OTUD7A: variants seen among roughly 807,000 people sequenced by gnomAD.
The protein encoded by OTUD7A is OTU deubiquitinase 7A.
In OTUD7A, 12 loss-of-function variants were observed where a neutral mutation model predicts 65.7. The observed-to-expected ratio is 0.18, with a 90% CI of 0.12 to 0.30. OTUD7A has a LOEUF of 0.30. Ranked by LOEUF, OTUD7A falls within the 10% of genes least tolerant of loss-of-function variation. The pLI is 1.00. For missense variants in OTUD7A, 1,148 were observed against 1,304.8 expected (o/e 0.88, Z 1.85); for synonymous variants, 641 against 586.3 (o/e 1.09, Z -1.35).
chr15:31,651,424 CT>C (rs926164895), intron 3 of OTUD7A, among the ~76,000 whole-genome samples: 1 of 152,012 alleles, frequency 6.6e-6, no homozygotes, highest in African/African-American at 2.4e-5. Flanking sequence ...CAAGGATCTT[CT>C]TTTTTAACAC....
chr15:31,530,283 T>C (rs2141122080), intron 6 of OTUD7A, among the ~76,000 whole-genome samples: 1 of 152,338 alleles, frequency 6.6e-6, no homozygotes, highest in East Asian at 1.9e-4. Flanking sequence ...CGTTCACCCC[T>C]ACCTCCAAAC....
intron 6 of OTUD7A, among the ~76,000 whole-genome samples, chr15:31,530,327 C>A (rs559818497): frequency 6.6e-6 from 1 of 152,208 alleles, no homozygotes; most frequent in South Asian, 2.1e-4. Context: ...GCTTTATCTG[C>A]AGGGTCTCCC....
At chr15:31,519,104 G>A (rs1338594756) in intron 8 of OTUD7A, among the ~76,000 whole-genome samples, 1 of 147,490 alleles carries the variant, frequency 6.8e-6, no homozygotes, top group African/African-American at 2.5e-5. Context: ...ATCCACTACA[G>A]GTCTAGCACT....
intron 3 of OTUD7A, among the ~76,000 whole-genome samples, chr15:31,640,129 G>A (rs185556010): frequency 1.3e-5 from 2 of 152,066 alleles, no homozygotes; most frequent in African/African-American, 2.4e-5. Flanking sequence ...GCATTTGAGC[G>A]ACCTGGATGA....
intron 1 of OTUD7A, among the ~76,000 whole-genome samples, chr15:31,754,087 T>C (rs1595747379): frequency 6.6e-6 from 1 of 152,210 alleles, no homozygotes; most frequent in South Asian, 2.1e-4. Context: ...TATTGCATTA[T>C]GGTTTTGATT....
chr15:31,823,459 G>C (rs977770264), intron 1 of OTUD7A, among the ~76,000 whole-genome samples: 14 of 152,164 alleles, frequency 9.2e-5, no homozygotes, highest in African/African-American at 3.1e-4. Flanking sequence ...TGCCAACAAA[G>C]AGGATACATT....
chr15:31,715,516 G>C (rs955859007), intron 1 of OTUD7A, among the ~76,000 whole-genome samples: 1 of 150,252 alleles, frequency 6.7e-6, no homozygotes, highest in Non-Finnish European at 1.5e-5. Flanking sequence ...TTATTTCACT[G>C]CAGTACCAAT....
Position 31,503,887 on chromosome 15 carries a change from G to T in OTUD7A, c.894-69C>A, listed in dbSNP as rs1043106354. On this transcript the variant is annotated intron_variant, in intron 8 of 12. Transcript: ENST00000307050. ...GTGGAGGATGGAGAAAGTGGGGACT[G>T]CTTCATGCAGGGGCTGAGCCCTCCC... The T allele has an allele frequency of 2.5e-6, 4 of 1,576,388 alleles. No homozygotes were observed. The African/African-American group carries it at 5.4e-5, about 21-fold the overall frequency.
chr15:31,835,963 C>A (rs1897046000), intron 1 of OTUD7A, among the ~76,000 whole-genome samples: 1 of 2,156 alleles, frequency 4.6e-4, no homozygotes, highest in South Asian at 0.25. Context: ...TCCAAAATAC[C>A]CCCAATGAGC....
chr15:31,603,118 A>G (rs1332657241), intron 3 of OTUD7A, among the ~76,000 whole-genome samples: 3 of 152,244 alleles, frequency 2.0e-5, no homozygotes, highest in South Asian at 2.1e-4. Flanking sequence ...GAACCAAAAA[A>G]GAGCCCACAT....
Position 31,484,689 on chromosome 15 carries a change from C to G in OTUD7A, c.1407G>C (p.Ser469=). 1 of 1,583,960 alleles carries G rather than the reference C, an allele frequency of 6.3e-7. No homozygotes were observed. Among genetic ancestry groups the G allele is most frequent in the Non-Finnish European group, 8.5e-7 (1 of 1,169,776 alleles). The change falls in exon 13 of 13, where the codon TCG becomes TCC. Residue 469 remains serine (S), a synonymous_variant. Transcript: ENST00000307050. The surrounding 1 kb of genome is among the most constrained non-coding windows in gnomAD (Gnocchi z 4.5). ...CCAGGGACTGCACGTCCTCCCCTGC[C>G]GAGGCCGTGGGAGACTCCGGCTGTG... ...PLAQPESPTA[S]AGEDVQSLAD... is the part of the protein sequence containing the mutation.
At chr15:31,611,145 T>C (rs904623273) in intron 3 of OTUD7A, among the ~76,000 whole-genome samples, 3 of 151,902 alleles carry the variant, frequency 2.0e-5, no homozygotes, top group Admixed American at 1.3e-4. Context: ...CTCTGGGATA[T>C]AGCAAAGGAG....
At position 31,733,207 on chromosome 15, in the gene OTUD7A, C is replaced by T. The variant is rs1894095163; in HGVS notation, c.-99-76130G>A. 1.3e-5 allele frequency among the ~76,000 whole-genome samples: 2 copies of T among 152,156 alleles called. 1 individual carries two copies. Among genetic ancestry groups the T allele is most frequent in the South Asian group, 4.2e-4 (2 of 4,816 alleles). ...TGCTGTGAGGGTGAACTGAGACAAA[C>T]ACAAAGGGCTGAGAACAGAGCCCAG... On this transcript the variant is annotated intron_variant, in intron 1 of 12. Coordinates refer to ENST00000307050, the MANE Select transcript of OTUD7A (RefSeq NM_001382637.1).
At chr15:31,610,303 C>G (rs1229300594) in intron 3 of OTUD7A, among the ~76,000 whole-genome samples, 1 of 151,944 alleles carries the variant, frequency 6.6e-6, no homozygotes, top group Admixed American at 6.6e-5. Context: ...CAAATCTATA[C>G]AACAGGTACT....
At chr15:31,732,418 T>C (rs910807539) in intron 1 of OTUD7A, among the ~76,000 whole-genome samples, 1 of 152,254 alleles carries the variant, frequency 6.6e-6, no homozygotes, top group Non-Finnish European at 1.5e-5. Flanking sequence ...AGTTGTGATT[T>C]GATTGTGCCA....
chr15:31,618,200 C>G (rs1282910943), intron 3 of OTUD7A, among the ~76,000 whole-genome samples: 2 of 152,124 alleles, frequency 1.3e-5, no homozygotes, highest in Non-Finnish European at 2.9e-5. Context: ...TGGGTTGGTT[C>G]CAAGTCTTTG....
At chr15:31,765,892 G>GT in intron 1 of OTUD7A, 1 of 1,277,894 alleles carries the variant, frequency 7.8e-7, no homozygotes. Flanking sequence ...AACTATTTTA[G>GT]TTTTTTTCTT....
intron 1 of OTUD7A, among the ~76,000 whole-genome samples, chr15:31,806,233 CA>C (rs1309607523): frequency 1.3e-5 from 2 of 152,160 alleles, no homozygotes. Context: ...TCATTCAATG[CA>C]AAAAGCACAT....
intron 8 of OTUD7A, among the ~76,000 whole-genome samples, chr15:31,523,357 G>A (rs1194789671): frequency 1.3e-5 from 2 of 152,252 alleles, no homozygotes; most frequent in Non-Finnish European, 2.9e-5. Flanking sequence ...CTCGCTGGAG[G>A]TCCCAGTGCT....
Sources: gnomAD v4.1 joint callset for allele counts (sites outside exome capture counted in the v4.1 genomes callset) on GRCh38, gnomAD v4.1.1 for gene constraint, Gnocchi (gnomAD v3.1) non-coding constraint, MANE v1.5 for transcripts, NCBI Gene and HGNC (gene_info 2026-07-23, HGNC 2026-07-21) for gene names.